The following ACRV1 variants were observed in gnomAD, a reference collection of about 807,000 sequenced individuals.
The protein encoded by ACRV1 is acrosomal protein SP-10.
A neutral mutation model predicts 29.2 loss-of-function variants in ACRV1; 17 were observed. The ratio of observed to expected loss-of-function variants is 0.58; its 90% CI spans 0.40 to 0.87. The LOEUF is 0.87. Among genes scored for constraint, ACRV1 ranks in the 40% least tolerant of loss-of-function variants. ACRV1 has a pLI of 0.00. For synonymous variants in ACRV1, 98 were observed against 111.6 expected (o/e 0.88, Z 0.77); for missense variants, 294 against 316.0 (o/e 0.93, Z 0.53).
intron 1 of ACRV1, among the ~76,000 whole-genome samples, chr11:125,678,741 A>G (rs1409550879): frequency 6.6e-6 from 1 of 151,972 alleles, no homozygotes; most frequent in African/African-American, 2.4e-5. Flanking sequence ...AGGGAGAGAG[A>G]AAGCAAGTAG....
At chr11:125,674,377 A>G (rs932021170) in intron 3 of ACRV1, among the ~76,000 whole-genome samples, 1 of 152,364 alleles carries the variant, frequency 6.6e-6, no homozygotes, top group South Asian at 2.1e-4. Context: ...GAACTAAGCT[A>G]TGAAGAATTG....
chr11:125,680,109 A>G (rs1015462653), intron 1 of ACRV1, among the ~76,000 whole-genome samples: 3 of 152,222 alleles, frequency 2.0e-5, no homozygotes, highest in Non-Finnish European at 4.4e-5. Context: ...CAAAAAGCAA[A>G]ACCTCTGACA....
chr11:125,680,467 T>C (rs912266176), intron 1 of ACRV1, among the ~76,000 whole-genome samples: 1 of 152,196 alleles, frequency 6.6e-6, no homozygotes, highest in African/African-American at 2.4e-5. Flanking sequence ...TTTCATCTCA[T>C]GCAGCATCAG....
At position 125,677,869 on chromosome 11, in the gene ACRV1, C is replaced by T. The variant is rs1358522332; in HGVS notation, c.481G>A (p.Gly161Ser). Residue 161 changes from glycine (G) to serine (S), a missense_variant, in exon 2 of 4, where the codon GGT becomes AGT. Coordinates refer to ENST00000533904, the MANE Select transcript of ACRV1 (RefSeq NM_001612.6). ...GEQPSGEQAS[G>S]EQPSGEHASG... ...GCGTGCTCACCTGAAGGCTGTTCAC[C>T]CGAGGCCTGCTCACCAGAAGGCTGT... 1 of 1,613,772 alleles carries T rather than the reference C, an allele frequency of 6.2e-7. No individual in the cohort carries two copies. The highest frequency in any genetic ancestry group is 1.3e-5 in the African/African-American group (1 of 74,858).
chr11:125,674,750 T>C (rs1027141816), intron 3 of ACRV1, among the ~76,000 whole-genome samples: 1 of 152,198 alleles, frequency 6.6e-6, no homozygotes, highest in African/African-American at 2.4e-5. Context: ...TTTGTGAGGA[T>C]TAAATGATAA....
intron 2 of ACRV1, 85 bp from the exon 3 acceptor site, chr11:125,676,563 ATAGG>A (rs943012771): frequency 2.0e-6 from 3 of 1,504,978 alleles, no homozygotes; most frequent in Non-Finnish European, 2.8e-6. Flanking sequence ...GTAATGGGCA[ATAGG>A]TAGCATGGAT....
At chr11:125,672,837 TTC>T in intron 3 of ACRV1, 120 bp from the exon 4 acceptor site, 2 of 1,227,746 alleles carry the variant, frequency 1.6e-6, no homozygotes, top group South Asian at 1.8e-5. Flanking sequence ...CCATTATCCC[TTC>T]TCTTTCTCTT....
At position 125,678,115 on chromosome 11, in the gene ACRV1, T is replaced by C; in HGVS notation, c.235A>G (p.Thr79Ala). ...TCTCCAGAAGTGTGCTCGGCCACAG[T>C]GTGCTTGCTTGAACCATGCTCACTG... Reference protein sequence around the residue: ...GSSEHGSSKHTVAEHTSGEHA... With the variant: ...GSSEHGSSKHAVAEHTSGEHA... The change falls in exon 2 of 4, where the codon ACT (threonine) becomes GCT (alanine). Residue 79 changes from threonine to alanine, a missense_variant. Coordinates refer to ENST00000533904, the MANE Select transcript of ACRV1 (RefSeq NM_001612.6). The C allele has an allele frequency of 1.9e-6, 3 of 1,614,156 alleles. No individual in the cohort carries two copies. Among genetic ancestry groups the C allele is most frequent in the South Asian group, 1.1e-5 (1 of 91,080 alleles).
intron 3 of ACRV1, 117 bp from the exon 4 acceptor site, chr11:125,672,834 C>T: frequency 7.9e-7 from 1 of 1,272,780 alleles, no homozygotes. Context: ...TGTCCATTAT[C>T]CCTTCTCTTT....
intron 1 of ACRV1, among the ~76,000 whole-genome samples, chr11:125,678,978 T>TTGTATATATATATATATATATA (rs1555078664): frequency 1.1e-5 from 1 of 88,436 alleles, no homozygotes; most frequent in South Asian, 4.5e-4. Context: ...TCTAGGCATA[T>TTGTATATATATATATATATATA]TATATATATA....
chr11:125,675,775 G>A (rs1165298576), intron 3 of ACRV1, among the ~76,000 whole-genome samples: 1 of 152,060 alleles, frequency 6.6e-6, no homozygotes, highest in East Asian at 1.9e-4. Flanking sequence ...ATGGCTCATG[G>A]GGCAATCAAC....
At chr11:125,677,653 G>C in intron 2 of ACRV1, 144 bp downstream of exon 2, 1 of 1,143,978 alleles carries the variant, frequency 8.7e-7, no homozygotes, top group Non-Finnish European at 1.2e-6. Flanking sequence ...ATTGTGACGA[G>C]AACTAGAGAG....
chr11:125,678,322 G>A (rs769808411), intron 1 of ACRV1, 25 bp from the exon 2 acceptor site: 8 of 1,607,168 alleles, frequency 5.0e-6, no homozygotes, highest in Non-Finnish European at 6.8e-6. Flanking sequence ...GAACAGAAGA[G>A]AGTTGGTGAA....
intron 1 of ACRV1, among the ~76,000 whole-genome samples, chr11:125,680,151 AC>A (rs1942731065): frequency 6.6e-6 from 1 of 152,190 alleles, no homozygotes; most frequent in Non-Finnish European, 1.5e-5. Context: ...TTGTTTTTTC[AC>A]TGAAAGCTCA....
intron 2 of ACRV1, among the ~76,000 whole-genome samples, chr11:125,676,750 C>T (rs545570000): frequency 1.3e-5 from 2 of 152,208 alleles, no homozygotes; most frequent in Admixed American, 6.5e-5. Context: ...ACTTCCTGGG[C>T]ATTTATCATT....
intron 3 of ACRV1, among the ~76,000 whole-genome samples, chr11:125,675,453 G>A (rs1942457479): frequency 6.6e-6 from 1 of 152,164 alleles, no homozygotes; most frequent in South Asian, 2.1e-4. Context: ...GAGTGATGGT[G>A]GATGAATGTC....
rs777546880 is a variant in ACRV1 at position 125,680,801 on chromosome 11, GA to G, written c.-22del. The G allele has an allele frequency of 6.2e-7, 1 of 1,610,838 alleles. No homozygotes were observed. The highest frequency in any genetic ancestry group is 1.1e-5 in the South Asian group (1 of 90,928). ...TTCATCTGGATTTAGGAAAAGAGGG[GA>G]CCCCAGTGTGGGCCACAGCTTCTTC... On this transcript the variant is annotated 5_prime_UTR_variant, in exon 1 of 4. Coordinates refer to ENST00000533904, the MANE Select transcript of ACRV1 (RefSeq NM_001612.6).
At chr11:125,672,763 C>T (rs368906966) in intron 3 of ACRV1, 46 bp from the exon 4 acceptor site, 15 of 1,608,566 alleles carry the variant, frequency 9.3e-6, no homozygotes, top group African/African-American at 5.3e-5. Flanking sequence ...CTTCGTCCTC[C>T]AACCTTAGCC....
chr11:125,676,149 C>G, intron 3 of ACRV1: 1 of 514,948 alleles, frequency 1.9e-6, no homozygotes, highest in Non-Finnish European at 3.4e-6. Flanking sequence ...CTCAAGTGAT[C>G]CACCTGCCTT....
Sources: allele counts gnomAD v4.1 joint callset (sites outside exome capture counted in the v4.1 genomes callset), GRCh38; gene constraint gnomAD v4.1.1; transcripts MANE v1.5; gene names NCBI Gene and HGNC (gene_info 2026-07-23, HGNC 2026-07-21).